Variants in AGBL4 observed in about 807,000 individuals in gnomAD.
AGBL4 encodes the protein AGBL carboxypeptidase 4, also known as cytosolic carboxypeptidase 6.
A neutral mutation model predicts 66.4 loss-of-function variants in AGBL4; 58 were observed. That is an observed-to-expected ratio of 0.87 (90% CI 0.71 to 1.09). The LOEUF (loss-of-function observed/expected upper bound fraction) is 1.09, where lower values mean the gene tolerates loss of function less well. AGBL4 is among the 50% of genes least tolerant of loss of function. The probability of loss-of-function intolerance (pLI) is 0.00; values close to 1 mark genes in which losing one functional copy is unlikely to be tolerated. For synonymous variants in AGBL4, 234 were observed against 222.9 expected, an observed-to-expected ratio of 1.05 and a Z score of -0.44; for missense variants, 579 against 631.0, an observed-to-expected ratio of 0.92 and a Z score of 0.88.
intron 3 of AGBL4, among the ~76,000 whole-genome samples, chr1:49,302,640 T>C (rs1332116137): frequency 7.0e-6 from 1 of 142,590 alleles, no homozygotes; most frequent in Non-Finnish European, 1.5e-5. Flanking sequence ...TTTATTTTAT[T>C]TTATTTTATT....
chr1:48,591,487 G>A (rs750047015), intron 9 of AGBL4, among the ~76,000 whole-genome samples: 1 of 152,124 alleles, frequency 6.6e-6, no homozygotes, highest in Non-Finnish European at 1.5e-5. Context: ...TCCCCACTTT[G>A]AGCCTCAGCT....
chr1:48,924,801 T>C (rs1654392442), intron 5 of AGBL4, among the ~76,000 whole-genome samples: 1 of 152,082 alleles, frequency 6.6e-6, no homozygotes, highest in Non-Finnish European at 1.5e-5. Context: ...TCAAACCACA[T>C]GTTTAAAAGT....
intron 3 of AGBL4, among the ~76,000 whole-genome samples, chr1:49,488,037 G>C (rs1647105567): frequency 6.6e-6 from 1 of 151,824 alleles, no homozygotes; most frequent in Non-Finnish European, 1.5e-5. Flanking sequence ...AGCAGGAATT[G>C]TTATTTTCAA....
At chr1:49,476,550 G>T (rs528873416) in intron 3 of AGBL4, among the ~76,000 whole-genome samples, 1 of 151,970 alleles carries the variant, frequency 6.6e-6, no homozygotes, top group East Asian at 1.9e-4. Context: ...TTTTTTCTTA[G>T]GTCTAAAAGT....
At chr1:49,621,150 G>A (rs190640852) in intron 3 of AGBL4, among the ~76,000 whole-genome samples, 5 of 152,204 alleles carry the variant, frequency 3.3e-5, no homozygotes, top group Non-Finnish European at 5.9e-5. Flanking sequence ...CCTTTGTGCC[G>A]TAAAGAAATA....
At chr1:49,924,486 G>C (rs536526283) in intron 1 of AGBL4, among the ~76,000 whole-genome samples, 6 of 151,926 alleles carry the variant, frequency 3.9e-5, no homozygotes, top group African/African-American at 1.2e-4. Flanking sequence ...AAAATAAAAA[G>C]TTTTATTTGG....
At chr1:49,477,175 T>C (rs1646863499) in intron 3 of AGBL4, among the ~76,000 whole-genome samples, 1 of 152,090 alleles carries the variant, frequency 6.6e-6, no homozygotes, top group South Asian at 2.1e-4. Flanking sequence ...TAAACTTGGA[T>C]AGCTTCACTA....
At chr1:49,532,149 G>C (rs1651190423) in intron 3 of AGBL4, among the ~76,000 whole-genome samples, 1 of 152,058 alleles carries the variant, frequency 6.6e-6, no homozygotes, top group Non-Finnish European at 1.5e-5. Flanking sequence ...CTGAGCCAAG[G>C]GAACTCTAGC....
At chr1:48,643,947 A>C (rs1645797180) in intron 8 of AGBL4, among the ~76,000 whole-genome samples, 1 of 152,218 alleles carries the variant, frequency 6.6e-6, no homozygotes, top group East Asian at 1.9e-4. Flanking sequence ...GAAGTGAAGT[A>C]AAGGAGGCAA....
intron 5 of AGBL4, among the ~76,000 whole-genome samples, chr1:48,884,977 TTAA>T (rs1263400807): frequency 0.12 from 1,650 of 14,174 alleles, 28 homozygotes; most frequent in African/African-American, 0.16. Flanking sequence ...AGAGGCAGAT[TTAA>T]AAAAAAAAAA....
At chr1:48,747,664 T>C (rs915616069) in intron 6 of AGBL4, among the ~76,000 whole-genome samples, 2 of 152,350 alleles carry the variant, frequency 1.3e-5, no homozygotes, top group Non-Finnish European at 2.9e-5. Flanking sequence ...TTCCCTAAAA[T>C]GGAAAGCATG....
intron 6 of AGBL4, among the ~76,000 whole-genome samples, chr1:48,785,451 CT>C (rs897030706): frequency 1.3e-5 from 2 of 152,194 alleles, no homozygotes; most frequent in Non-Finnish European, 2.9e-5. Flanking sequence ...TCATTTTCCT[CT>C]CTGTGTTTCT....
intron 2 of AGBL4, among the ~76,000 whole-genome samples, chr1:49,722,951 A>C (rs536122723): frequency 6.6e-6 from 1 of 152,266 alleles, no homozygotes; most frequent in South Asian, 2.1e-4. Flanking sequence ...ACTTGAGCTA[A>C]GTAATCATTT....
intron 1 of AGBL4, among the ~76,000 whole-genome samples, chr1:49,873,804 T>G (rs975107235): frequency 1.3e-5 from 2 of 152,024 alleles, no homozygotes; most frequent in African/African-American, 4.8e-5. Context: ...GCCCTTTACC[T>G]TGGCAAAATA....
intron 11 of AGBL4, among the ~76,000 whole-genome samples, chr1:48,543,355 A>G (rs561379738): frequency 5.7e-4 from 86 of 151,998 alleles, no homozygotes; most frequent in African/African-American, 2.1e-3. Context: ...GAAGACACAG[A>G]GTGAGTAACA....
chr1:48,976,148 T>G (rs564123243), intron 5 of AGBL4, among the ~76,000 whole-genome samples: 11 of 152,164 alleles, frequency 7.2e-5, no homozygotes, highest in Non-Finnish European at 1.5e-4. Flanking sequence ...AGAGTGTGAA[T>G]GTTTTATATT....
chr1:48,533,224 C>A lies in AGBL4; in HGVS notation c.*949G>T, dbSNP rs773527518. 6 of 152,068 alleles carry A rather than the reference C, an allele frequency of 3.9e-5. No individual in the cohort carries two copies. The highest frequency in any genetic ancestry group is 7.4e-5 in the Non-Finnish European group (5 of 68,026). The allele number at this position is 152,068 out of a possible 1,614,324, so 9.4% of individuals were successfully genotyped here. A position where few individuals can be genotyped will look rare whatever the true frequency, so the allele number is the denominator to read the frequency against. On this transcript the variant is annotated 3_prime_UTR_variant, in exon 14 of 14. Coordinates refer to ENST00000371839, the MANE Select transcript of AGBL4 (RefSeq NM_032785.4). Reference sequence around the variant, plus strand: ...TTTCCACAGACAGGAAGGGAGCAGACCCCCCTGGACCCATTCATCATACAA... The same window carrying A: ...TTTCCACAGACAGGAAGGGAGCAGAACCCCCTGGACCCATTCATCATACAA...
intron 2 of AGBL4, among the ~76,000 whole-genome samples, chr1:49,765,984 G>A (rs1226251488): frequency 1.3e-5 from 2 of 152,140 alleles, no homozygotes; most frequent in African/African-American, 2.4e-5. Flanking sequence ...GAGGGAGAAG[G>A]AGAAAAATTA....
intron 2 of AGBL4, among the ~76,000 whole-genome samples, chr1:49,699,055 A>T (rs967504048): frequency 6.6e-6 from 1 of 152,042 alleles, no homozygotes; most frequent in Non-Finnish European, 1.5e-5. Context: ...TGAGACCATA[A>T]ATTAAACACT....
Sources: allele counts gnomAD v4.1 joint callset (sites outside exome capture counted in the v4.1 genomes callset), GRCh38; gene constraint gnomAD v4.1.1; transcripts MANE v1.5; gene names NCBI Gene and HGNC (gene_info 2026-07-23, HGNC 2026-07-21).